The following CAST variants were observed in gnomAD, a reference collection of about 807,000 sequenced individuals.
CAST encodes the protein calpastatin.
CAST carries 76 observed loss-of-function variants against 119.6 expected under a neutral mutation model. The ratio of observed to expected loss-of-function variants is 0.64; its 90% confidence interval spans 0.53 to 0.77. The LOEUF (loss-of-function observed/expected upper bound fraction) is 0.77. Ranked by LOEUF, CAST falls within the 30% of genes least tolerant of loss-of-function variation. The pLI is 0.00. For missense variants in CAST, 953 were observed against 946.5 expected, an observed-to-expected ratio of 1.01 and a Z score of -0.09; for synonymous variants, 319 against 331.6, an observed-to-expected ratio of 0.96 and a Z score of 0.41.
At chr5:96,473,602 G>A in the CAST span, among the ~76,000 whole-genome samples, 8 of 152,290 alleles carry the variant, frequency 5.3e-5, no homozygotes, top group African/African-American at 1.9e-4. Context: ...AAAGGAATGG[G>A]GAAAGACACA....
intron 1 of CAST, among the ~76,000 whole-genome samples, chr5:96,538,215 G>C (rs564571411): frequency 4.4e-4 from 67 of 152,338 alleles, no homozygotes; most frequent in African/African-American, 1.6e-3. Context: ...ATCAAGAGCA[G>C]TGTCAAGTTC....
intron 9 of CAST, among the ~76,000 whole-genome samples, chr5:96,733,927 G>T (rs188197105): frequency 4.9e-4 from 75 of 152,252 alleles, no homozygotes; most frequent in South Asian, 6.2e-4. Flanking sequence ...GGTTCTGCAG[G>T]ATGCACTAGC....
intron 1 of CAST, among the ~76,000 whole-genome samples, chr5:96,644,800 C>A (rs1747995324): frequency 6.6e-6 from 1 of 152,136 alleles, no homozygotes; most frequent in South Asian, 2.1e-4. Flanking sequence ...CATGGTGAAA[C>A]CCCGTGTCTA....
At chr5:96,387,865 A>C in the CAST span, among the ~76,000 whole-genome samples, 1 of 152,194 alleles carries the variant, frequency 6.6e-6, no homozygotes, top group African/African-American at 2.4e-5. Flanking sequence ...ATCACCTGTC[A>C]CTGGGGCCAC....
At chr5:96,244,586 A>G in the CAST span, among the ~76,000 whole-genome samples, 3 of 152,210 alleles carry the variant, frequency 2.0e-5, no homozygotes, top group Non-Finnish European at 4.4e-5. Context: ...TCTGATCTTT[A>G]TAGCAAGTCT....
intron 1 of CAST, among the ~76,000 whole-genome samples, chr5:96,539,259 C>A (rs1466502139): frequency 6.6e-6 from 1 of 152,132 alleles, no homozygotes; most frequent in African/African-American, 2.4e-5. Context: ...AGAGCCTATT[C>A]TAATGGGTAA....
At chr5:96,559,123 T>C (rs1746303951) in intron 1 of CAST, among the ~76,000 whole-genome samples, 1 of 152,024 alleles carries the variant, frequency 6.6e-6, no homozygotes, top group African/African-American at 2.4e-5. Context: ...ATTATCTCAA[T>C]AGATGCAGAA....
At chr5:96,247,811 T>C in the CAST span, 1 of 152,210 alleles carries the variant, frequency 6.6e-6, no homozygotes, top group Non-Finnish European at 1.5e-5. Context: ...CAGTGTTATC[T>C]TATAGAAGCA....
chr5:96,555,720 C>T (rs1438407105), intron 1 of CAST, among the ~76,000 whole-genome samples: 1 of 151,532 alleles, frequency 6.6e-6, no homozygotes, highest in African/African-American at 2.4e-5. Flanking sequence ...GTAAACAAAG[C>T]GGCCAGGAAG....
At chr5:96,578,370 G>A (rs1001472298) in intron 1 of CAST, among the ~76,000 whole-genome samples, 5 of 150,632 alleles carry the variant, frequency 3.3e-5, no homozygotes, top group South Asian at 4.2e-4. Flanking sequence ...ATGCTCAACT[G>A]TATGCGGTCC....
chr5:96,103,552 A>T, the CAST span, among the ~76,000 whole-genome samples: 6 of 150,250 alleles, frequency 4.0e-5, no homozygotes, highest in Non-Finnish European at 7.5e-5. Flanking sequence ...ATGGCTGCAT[A>T]GTATTCCATG....
rs201648130 is a variant in CAST, at chr5:96,605,641, T to C, written c.61-69898T>C. Among the ~76,000 whole-genome samples the C allele has an allele frequency of 6.6e-5, 10 of 152,352 alleles. No homozygotes were observed. The East Asian group carries it at 1.9e-3, about 29-fold the overall frequency. ...GAAGAAATAATAAAAATACTTGCTCTGAGGCATATAGCTGAATTCCTCTGG... is the reference window on the plus strand; with the variant it reads ...GAAGAAATAATAAAAATACTTGCTCCGAGGCATATAGCTGAATTCCTCTGG... On this transcript the variant is annotated intron_variant, in intron 1 of 11. Transcript: ENST00000505143.
At chr5:96,588,610 T>C (rs1387035425) in intron 1 of CAST, among the ~76,000 whole-genome samples, 1 of 152,210 alleles carries the variant, frequency 6.6e-6, no homozygotes, top group Non-Finnish European at 1.5e-5. Context: ...TTTTACCAAT[T>C]GGATGAAATT....
the CAST span, among the ~76,000 whole-genome samples, chr5:96,389,514 T>C: frequency 6.6e-6 from 1 of 152,140 alleles, no homozygotes; most frequent in Non-Finnish European, 1.5e-5. Flanking sequence ...TTAGGAGAAA[T>C]GAATGGATTC....
At chr5:96,114,459 A>G in the CAST span, among the ~76,000 whole-genome samples, 3 of 152,092 alleles carry the variant, frequency 2.0e-5, no homozygotes, top group East Asian at 3.9e-4. Flanking sequence ...GAGGCTCTCA[A>G]ACTTTGGTGA....
the CAST span, among the ~76,000 whole-genome samples, chr5:96,247,046 A>G: frequency 2.6e-5 from 4 of 152,210 alleles, no homozygotes; most frequent in Non-Finnish European, 5.9e-5. Flanking sequence ...CATTAAGTAT[A>G]TAGATCATTT....
chr5:96,031,465 C>A, the CAST span, among the ~76,000 whole-genome samples: 1 of 152,172 alleles, frequency 6.6e-6, no homozygotes, highest in Non-Finnish European at 1.5e-5. Flanking sequence ...ACCACTTTTG[C>A]CCGCTTGGTA....
chr5:96,302,559 A>G, the CAST span, among the ~76,000 whole-genome samples: 1 of 152,216 alleles, frequency 6.6e-6, no homozygotes, highest in African/African-American at 2.4e-5. Flanking sequence ...GTTTATGCAG[A>G]TAAGCATAGG....
At chr5:96,325,433 T>G in the CAST span, among the ~76,000 whole-genome samples, 2 of 151,322 alleles carry the variant, frequency 1.3e-5, no homozygotes, top group Non-Finnish European at 2.9e-5. Context: ...CTTCTTTCTT[T>G]TCTTTCTTCC....
Sources: gnomAD v4.1 joint callset for allele counts (sites outside exome capture counted in the v4.1 genomes callset) on GRCh38, gnomAD v4.1.1 for gene constraint, MANE v1.5 for transcripts, NCBI Gene and HGNC (gene_info 2026-07-23, HGNC 2026-07-21) for gene names.